Variants in NSUN6 observed in about 807,000 individuals in gnomAD.
The protein encoded by NSUN6 is tRNA (cytosine(72)-C(5))-methyltransferase NSUN6.
A neutral mutation model predicts 58.0 loss-of-function variants in NSUN6; 64 were observed. That is an observed-to-expected ratio of 1.10 (90% CI 0.90 to 1.36). NSUN6 has a LOEUF of 1.36. Among genes scored for constraint, NSUN6 ranks in the 40% most tolerant of loss-of-function variants. The pLI, the probability that NSUN6 is intolerant of heterozygous loss-of-function variation, is 0.00. For synonymous variants in NSUN6, 231 were observed against 193.9 expected (o/e 1.19, Z -1.59); for missense variants, 701 against 550.1 (o/e 1.27, Z -2.74).
rs185668857 is a variant in NSUN6 at position 18,596,410 on chromosome 10, G to C, written c.658-83C>G. On this transcript the variant is annotated intron_variant, in intron 6 of 10. Transcript: ENST00000377304. The stretch of plus-strand genomic sequence containing the variant: ...AACCAGAGAATATAAAGAACCCTTT[G>C]GGGGTAATCCACTACAGCATCCTCA... 8.3e-4 allele frequency: 755 copies of C among 906,300 alleles called. 6 individuals carry two copies. The African/African-American group carries it at 0.011, about 13-fold the overall frequency. 56.1% of individuals were successfully genotyped at this position (906,300 alleles called of 1,614,324 possible). A position where few individuals can be genotyped will look rare whatever the true frequency, so the allele number is the denominator to read the frequency against.
rs527784443 is a variant in NSUN6, at chr10:18,626,234, TA to T, written c.312-9942del. On this transcript the variant is annotated intron_variant, in intron 3 of 10. Transcript: ENST00000377304. Reference sequence around the variant, plus strand: ...CAATGTTACAAAGCTTGACAATGTTTAAAAAAAAAAAAACAGAAAAACTGGC... The same window carrying T: ...CAATGTTACAAAGCTTGACAATGTTTAAAAAAAAAAAACAGAAAAACTGGC... 5.0e-3 allele frequency among the ~76,000 whole-genome samples: 718 copies of T among 142,452 alleles called. 2 individuals are homozygous for T. Among genetic ancestry groups the T allele is most frequent in the Admixed American group, 7.4e-3 (106 of 14,238 alleles). 93.5% of individuals were successfully genotyped at this position (142,452 alleles called of 152,430 possible). A position where few individuals can be genotyped will look rare whatever the true frequency, so the allele number is the denominator to read the frequency against.
At chr10:18,574,920 C>A (rs1202178238) in intron 8 of NSUN6, among the ~76,000 whole-genome samples, 2 of 152,138 alleles carry the variant, frequency 1.3e-5, no homozygotes, top group Non-Finnish European at 2.9e-5. Context: ...AATAACCCAG[C>A]AGATCAGGTA....
chr10:18,558,453 A>C (rs2055219583), intron 8 of NSUN6, among the ~76,000 whole-genome samples: 1 of 151,310 alleles, frequency 6.6e-6, no homozygotes, highest in Non-Finnish European at 1.5e-5. Context: ...TGGAGAATGG[A>C]ATAGAATGGA....
intron 8 of NSUN6, among the ~76,000 whole-genome samples, chr10:18,553,442 G>A (rs997016563): frequency 6.6e-6 from 1 of 151,332 alleles, no homozygotes; most frequent in Non-Finnish European, 1.5e-5. Flanking sequence ...GGAATGGAAT[G>A]CGAAATGGAA....
chr10:18,634,044 T>G (rs558873199), intron 3 of NSUN6, among the ~76,000 whole-genome samples: 1 of 152,326 alleles, frequency 6.6e-6, no homozygotes, highest in East Asian at 1.9e-4. Flanking sequence ...TTGAGCAAAC[T>G]GCAAATGAGG....
At chr10:18,573,030 TCATTC>T (rs2056460638) in intron 8 of NSUN6, among the ~76,000 whole-genome samples, 1 of 148,402 alleles carries the variant, frequency 6.7e-6, no homozygotes, top group African/African-American at 2.5e-5. Flanking sequence ...ATTCCATTCT[TCATTC>T]CATTCCATTC....
chr10:18,609,804 G>T (rs1396289995), intron 6 of NSUN6, 41 bp downstream of exon 6: 1 of 1,062,410 alleles, frequency 9.4e-7, no homozygotes, highest in East Asian at 2.4e-5. Context: ...ACTGATGTAT[G>T]TTTCAATGTC....
At chr10:18,593,874 T>TA (rs2057474156) in intron 7 of NSUN6, among the ~76,000 whole-genome samples, 2 of 102,932 alleles carry the variant, frequency 1.9e-5, no homozygotes, top group Admixed American at 9.1e-5. Context: ...TAAAGCACAA[T>TA]TAAAAAAAAA....
intron 3 of NSUN6, among the ~76,000 whole-genome samples, chr10:18,637,085 C>A (rs1194129699): frequency 1.3e-5 from 2 of 151,424 alleles, no homozygotes; most frequent in Non-Finnish European, 2.9e-5. Context: ...TCCTCAGCCT[C>A]CCAAGTAGCT....
chr10:18,583,721 T>C (rs1011785620), intron 8 of NSUN6, among the ~76,000 whole-genome samples: 3 of 152,146 alleles, frequency 2.0e-5, no homozygotes, highest in African/African-American at 4.8e-5. Flanking sequence ...ATGTTGAAAG[T>C]ACAATTCTTA....
At chr10:18,586,773 G>A (rs542691915) in intron 7 of NSUN6, among the ~76,000 whole-genome samples, 5 of 151,520 alleles carry the variant, frequency 3.3e-5, no homozygotes, top group South Asian at 2.1e-4. Context: ...GGACCCTAGC[G>A]GCTTGCAGCT....
chr10:18,614,446 AC>A lies in NSUN6; in HGVS notation c.575+13del. ...AAAAGGATGCTGATTTCCCCAAAGC[AC>A]CTGATGACATACTTCAGTTCAGGTA... is the stretch of plus-strand genomic sequence containing the variant. On this transcript the variant is annotated intron_variant, in intron 5 of 10. Transcript: ENST00000377304. The A allele has an allele frequency of 6.9e-7, 1 of 1,441,084 alleles. No individual in the cohort carries two copies. Among genetic ancestry groups the A allele is most frequent in the Non-Finnish European group, 9.2e-7 (1 of 1,086,302 alleles). The allele number at this position is 1,441,084 out of a possible 1,614,324, so 89.3% of individuals were successfully genotyped here. A position where few individuals can be genotyped will look rare whatever the true frequency, so the allele number is the denominator to read the frequency against.
At chr10:18,585,253 T>C (rs1398238193) in intron 8 of NSUN6, among the ~76,000 whole-genome samples, 1 of 152,162 alleles carries the variant, frequency 6.6e-6, no homozygotes, top group East Asian at 1.9e-4. Context: ...TGTAAAATGG[T>C]ATGGAGGTTC....
intron 8 of NSUN6, among the ~76,000 whole-genome samples, chr10:18,579,149 A>AG (rs2056794183): frequency 1.3e-5 from 2 of 152,192 alleles, no homozygotes. Flanking sequence ...TTATAGTTTA[A>AG]GAATACTCAT....
chr10:18,623,585 A>G (rs2058684533), intron 3 of NSUN6, among the ~76,000 whole-genome samples: 1 of 152,192 alleles, frequency 6.6e-6, no homozygotes, highest in African/African-American at 2.4e-5. Flanking sequence ...GGAATGTCTT[A>G]CCAGTATCCT....
chr10:18,655,003 G>C, upstream of NSUN6: 1 of 902,432 alleles, frequency 1.1e-6, no homozygotes, highest in Non-Finnish European at 1.3e-6. Flanking sequence ...TTTATTTCTA[G>C]AAATAATACT....
intron 6 of NSUN6, among the ~76,000 whole-genome samples, chr10:18,601,741 G>A (rs779594590): frequency 1.5e-4 from 23 of 152,022 alleles, no homozygotes; most frequent in South Asian, 6.2e-4. Context: ...CCAGGACTTC[G>A]GGAAGCTGAG....
chr10:18,630,748 T>C (rs1184952429), intron 3 of NSUN6, among the ~76,000 whole-genome samples: 1 of 152,108 alleles, frequency 6.6e-6, no homozygotes, highest in Non-Finnish European at 1.5e-5. Flanking sequence ...GGAGCTGAAA[T>C]TGTGGCAATA....
Position 18,609,843 on chromosome 10 carries a change from A to G in NSUN6, c.657+2T>C, listed in dbSNP as rs1181546040. The G allele has an allele frequency of 2.7e-6, 4 of 1,479,150 alleles. No homozygotes were observed. Among genetic ancestry groups the G allele is most frequent in the Non-Finnish European group, 2.8e-6 (3 of 1,057,716 alleles). 91.6% of individuals were successfully genotyped at this position (1,479,150 alleles called of 1,614,324 possible). On this transcript the variant is annotated splice_donor_variant, in intron 6 of 10. Transcript: ENST00000377304. LOFTEE classifies it high-confidence loss of function. The stretch of plus-strand genomic sequence containing the variant: ...AAATATTTTACTTTTATACATACTT[A>G]CTTGTAAAAATAAGTAACGGGGCAG...
Sources: allele counts gnomAD v4.1 joint callset (sites outside exome capture counted in the v4.1 genomes callset), GRCh38; gene constraint gnomAD v4.1.1; transcripts MANE v1.5; gene names NCBI Gene and HGNC (gene_info 2026-07-23, HGNC 2026-07-21).